Variants in SH3GL3 observed in about 807,000 individuals in gnomAD.
SH3GL3 encodes the protein SH3 domain containing GRB2 like 3, endophilin A3.
A neutral mutation model predicts 47.7 loss-of-function variants in SH3GL3; 33 were observed. That is an observed-to-expected ratio of 0.69 (90% CI 0.52 to 0.92). The LOEUF is 0.92. SH3GL3 is among the 40% of genes least tolerant of loss of function. The pLI is 0.00. For synonymous variants in SH3GL3, 155 were observed against 148.8 expected, an observed-to-expected ratio of 1.04 and a Z score of -0.30; for missense variants, 363 against 417.8, an observed-to-expected ratio of 0.87 and a Z score of 1.14.
intron 1 of SH3GL3, among the ~76,000 whole-genome samples, chr15:83,537,496 C>A (rs2043965670): frequency 6.6e-6 from 1 of 152,192 alleles, no homozygotes; most frequent in Non-Finnish European, 1.5e-5. Flanking sequence ...GAGAAGTTCA[C>A]AGTTGCAGTG....
chr15:83,542,846 G>A (rs2044228988), intron 1 of SH3GL3, among the ~76,000 whole-genome samples: 1 of 151,742 alleles, frequency 6.6e-6, no homozygotes, highest in South Asian at 2.1e-4. Flanking sequence ...TTTGTTTATT[G>A]GTTCTAATAC....
At chr15:83,620,028 T>C (rs1356942273), downstream of SH3GL3, among the ~76,000 whole-genome samples, 1 of 152,246 alleles carries the variant, frequency 6.6e-6, no homozygotes, top group Admixed American at 6.5e-5. Flanking sequence ...GTAGATTCTA[T>C]CTCAAGAAAT....
intron 6 of SH3GL3, among the ~76,000 whole-genome samples, chr15:83,584,848 A>G (rs1179598398): frequency 5.9e-5 from 9 of 152,230 alleles, no homozygotes; most frequent in Non-Finnish European, 7.3e-5. Context: ...CTCTGATTCA[A>G]CAGATGGACT....
At chr15:83,486,951 A>G (rs1398396227) in intron 1 of SH3GL3, among the ~76,000 whole-genome samples, 1 of 151,646 alleles carries the variant, frequency 6.6e-6, no homozygotes, top group Non-Finnish European at 1.5e-5. Flanking sequence ...CACCGGCCCC[A>G]TCATGGGGTC....
At position 83,618,537 on chromosome 15, in the gene SH3GL3, G is replaced by A. The variant is rs749866091; in HGVS notation, c.*250G>A. 1.1e-5 allele frequency: 5 copies of A among 445,774 alleles called. No homozygotes were observed. Among genetic ancestry groups the A allele is most frequent in the African/African-American group, 2.0e-5 (1 of 51,226 alleles). The allele number at this position is 445,774 out of a possible 1,614,324, so 27.6% of individuals were successfully genotyped here. The stretch of plus-strand genomic sequence containing the variant: ...CATTGGTTAAATGTATTTGCTTCCT[G>A]TGGCTAAAAATAAGTCTCACCCATT... On this transcript the variant is annotated 3_prime_UTR_variant, in exon 9 of 9. Coordinates refer to ENST00000427482, the MANE Select transcript of SH3GL3 (RefSeq NM_003027.5).
intron 8 of SH3GL3, among the ~76,000 whole-genome samples, chr15:83,595,309 C>T (rs1182110844): frequency 6.6e-6 from 1 of 152,106 alleles, no homozygotes; most frequent in African/African-American, 2.4e-5. Context: ...ATTGAGTACA[C>T]ATGGACACAA....
chr15:83,529,242 G>T (rs78762676), intron 1 of SH3GL3, among the ~76,000 whole-genome samples: 130 of 152,342 alleles, frequency 8.5e-4, no homozygotes, highest in Non-Finnish European at 1.5e-3. Context: ...GCTGGGCAGT[G>T]TACATGGGCA....
At chr15:83,494,314 G>A (rs1270466815) in intron 1 of SH3GL3, among the ~76,000 whole-genome samples, 4 of 152,184 alleles carry the variant, frequency 2.6e-5, no homozygotes, top group Non-Finnish European at 5.9e-5. Context: ...GGTGGCCATG[G>A]AGAACCTGCA....
chr15:83,476,055 A>G (rs2041080244), intron 1 of SH3GL3, among the ~76,000 whole-genome samples: 1 of 152,224 alleles, frequency 6.6e-6, no homozygotes, highest in Non-Finnish European at 1.5e-5. Flanking sequence ...TTTAGTGGAA[A>G]GGTCTCATTT....
the SH3GL3 span, among the ~76,000 whole-genome samples, chr15:83,626,154 T>C: frequency 1.3e-5 from 2 of 152,184 alleles, no homozygotes; most frequent in Non-Finnish European, 2.9e-5. Context: ...TTAAACACTG[T>C]GTGACTTTCA....
chr15:83,567,957 C>CT (rs397705514), intron 3 of SH3GL3, among the ~76,000 whole-genome samples: 86 of 140,592 alleles, frequency 6.1e-4, no homozygotes, highest in Non-Finnish European at 6.6e-4. Flanking sequence ...CCCATCATTT[C>CT]TTTTTTTTTT....
Position 83,508,986 on chromosome 15 carries a change from C to T in SH3GL3, c.46-50267C>T, listed in dbSNP as rs189736117. Among the ~76,000 whole-genome samples, 7 of 152,284 alleles carry T rather than the reference C, an allele frequency of 4.6e-5. No individual in the cohort carries two copies. The East Asian group carries it at 9.7e-4, about 21-fold the overall frequency. ...GGAGACTGATTAGAGGCGATTGTAA[C>T]GCTCCTCACCTAGGATCTTACTGTG... On this transcript the variant is annotated intron_variant, in intron 1 of 8. Coordinates refer to ENST00000427482, the MANE Select transcript of SH3GL3 (RefSeq NM_003027.5).
intron 1 of SH3GL3, among the ~76,000 whole-genome samples, chr15:83,524,187 G>A (rs551680994): frequency 2.0e-5 from 3 of 152,306 alleles, no homozygotes; most frequent in South Asian, 2.1e-4. Flanking sequence ...TTTGCAAGGT[G>A]TTGGTTGAAT....
intron 1 of SH3GL3, among the ~76,000 whole-genome samples, chr15:83,463,767 CTTTTTTT>C (rs910419812): frequency 9.8e-5 from 12 of 122,922 alleles, no homozygotes; most frequent in African/African-American, 2.6e-4. Flanking sequence ...TTCTTTCTTT[CTTTTTTT>C]TTTTTTTTTT....
In SH3GL3 at chr15:83,470,442, G is replaced by T. The variant is rs566834576; in HGVS notation, c.45+22864G>T. Among the ~76,000 whole-genome samples the T allele has an allele frequency of 3.3e-5, 5 of 152,156 alleles. No individual in the cohort carries two copies. The East Asian group carries it at 9.7e-4, about 29-fold the overall frequency. ...GTTTTGCCACGTTGGCCAGGGGTTG[G>T]TCTCCAACTCCTGACCTCAAGTTAT... On this transcript the variant is annotated intron_variant, in intron 1 of 8. Transcript: ENST00000427482.
chr15:83,565,190 T>C lies in SH3GL3; in HGVS notation c.171T>C (p.Tyr57=), dbSNP rs1307370970. The change falls in exon 3 of 9, where the codon TAT becomes TAC. Residue 57 remains tyrosine, a synonymous_variant. Coordinates refer to ENST00000427482, the MANE Select transcript of SH3GL3 (RefSeq NM_003027.5). ...AAATTCTTTCAAAAACCACTGAATA[T>C]CTTCAGCCAAATCCAGGTAAAGTTG... is the stretch of plus-strand genomic sequence containing the variant. ...VAEILSKTTE[Y]LQPNPAYRAK... is the part of the protein sequence containing the mutation. The C allele has an allele frequency of 6.3e-7, 1 of 1,578,858 alleles. No homozygotes were observed. The highest frequency in any genetic ancestry group is 1.3e-5 in the African/African-American group (1 of 74,290).
intron 1 of SH3GL3, among the ~76,000 whole-genome samples, chr15:83,500,247 C>G (rs999995787): frequency 6.6e-6 from 1 of 152,186 alleles, no homozygotes; most frequent in Admixed American, 6.5e-5. Flanking sequence ...GGGCGAACTA[C>G]TTGGAAATTT....
chr15:83,476,330 G>A (rs913643195), intron 1 of SH3GL3, among the ~76,000 whole-genome samples: 1 of 152,140 alleles, frequency 6.6e-6, no homozygotes, highest in African/African-American at 2.4e-5. Context: ...ATTTGTGTTT[G>A]TATTTGTCAC....
intron 1 of SH3GL3, among the ~76,000 whole-genome samples, chr15:83,514,692 C>A (rs2042908785): frequency 6.6e-6 from 1 of 152,164 alleles, no homozygotes; most frequent in Non-Finnish European, 1.5e-5. Context: ...AATGGTAGTG[C>A]TTGGCAGTTT....
Sources: gnomAD v4.1 joint callset for allele counts (sites outside exome capture counted in the v4.1 genomes callset) on GRCh38, gnomAD v4.1.1 for gene constraint, MANE v1.5 for transcripts, NCBI Gene and HGNC (gene_info 2026-07-23, HGNC 2026-07-21) for gene names.